The following FAAH2 variants were observed in gnomAD, a reference collection of about 807,000 sequenced individuals.
The protein encoded by FAAH2 is fatty-acid amide hydrolase 2.
In FAAH2, 60 loss-of-function variants were observed where a neutral mutation model predicts 36.9. The observed-to-expected ratio is 1.63, with a 90% CI of 1.32 to 2.02. The LOEUF (loss-of-function observed/expected upper bound fraction) is 2.02. Among genes scored for constraint, FAAH2 ranks in the 30% most tolerant of loss-of-function variants. The pLI, the probability that FAAH2 is intolerant of heterozygous loss-of-function variation, is 0.00. For missense variants in FAAH2, 689 were observed against 397.5 expected, an observed-to-expected ratio of 1.73 and a Z score of -6.23; for synonymous variants, 214 against 143.8, an observed-to-expected ratio of 1.49 and a Z score of -3.49.
intron 7 of FAAH2, among the ~76,000 whole-genome samples, chrX:57,387,530 A>G (rs1188998918): frequency 1.8e-5 from 2 of 111,581 alleles, no homozygotes; most frequent in Non-Finnish European, 3.8e-5. Flanking sequence ...AGACTCTAAA[A>G]ATAAGGTTGT....
At chrX:57,257,029 A>G in the FAAH2 span, among the ~76,000 whole-genome samples, 8 of 112,392 alleles carry the variant, frequency 7.1e-5, no homozygotes, top group Non-Finnish European at 1.5e-4. Flanking sequence ...CAACCATTAA[A>G]AAGTCAGAAA....
the FAAH2 span, among the ~76,000 whole-genome samples, chrX:57,213,232 G>T: frequency 1.2e-4 from 13 of 110,968 alleles, no homozygotes; most frequent in Admixed American, 1.2e-3. Flanking sequence ...TTTCTTGGGT[G>T]GTCTAGCTAG....
chrX:57,219,782 A>C, the FAAH2 span, among the ~76,000 whole-genome samples: 3 of 108,348 alleles, frequency 2.8e-5, no homozygotes, highest in Non-Finnish European at 5.7e-5. Flanking sequence ...TTCCAAAAAA[A>C]AAAACAGTCC....
At chrX:57,467,466 C>A (rs915344679) in intron 10 of FAAH2, among the ~76,000 whole-genome samples, 2 of 111,912 alleles carry the variant, frequency 1.8e-5, no homozygotes, top group African/African-American at 6.5e-5. Context: ...CTGCACCTGG[C>A]TCAGAGGGTC....
At chrX:57,327,746 C>A (rs759411513) in intron 3 of FAAH2, among the ~76,000 whole-genome samples, 2 of 111,221 alleles carry the variant, frequency 1.8e-5, no homozygotes, top group African/African-American at 6.5e-5. Context: ...TCATCTAATC[C>A]TTTTTCAAGT....
At chrX:57,326,651 AGGATTG>A (rs1451873651) in intron 3 of FAAH2, among the ~76,000 whole-genome samples, 1 of 91,247 alleles carries the variant, frequency 1.1e-5, no homozygotes, top group Non-Finnish European at 2.1e-5. Flanking sequence ...ATCGGAGACT[AGGATTG>A]CAACCCCTGC....
Position 57,308,579 on chromosome X carries a change from G to A in FAAH2, c.276-2014G>A, listed in dbSNP as rs777689731. 1.7e-4 allele frequency among the ~76,000 whole-genome samples: 19 copies of A among 111,425 alleles called. No individual in the cohort carries two copies. The South Asian group carries it at 7.2e-3, about 42-fold the overall frequency. ...TGTAAATATTTTCTCCTATTCTGTA[G>A]GTTGTTTATTACATCACATGAGTGT... On this transcript the variant is annotated intron_variant, in intron 2 of 10. Transcript: ENST00000374900.
At position 57,404,515 on chromosome X, in the gene FAAH2, G is replaced by A. The variant is rs185467363; in HGVS notation, c.996+23486G>A. ...GTTATCATTTCTAAGGCCCTGACAA[G>A]GGTGGTAGGGAATGGGTCCCACATA... On this transcript the variant is annotated intron_variant, in intron 7 of 10. Coordinates refer to ENST00000374900, the MANE Select transcript of FAAH2 (RefSeq NM_174912.4). Among the ~76,000 whole-genome samples the A allele has an allele frequency of 3.3e-3, 365 of 111,722 alleles. 1 individual carries two copies. Among genetic ancestry groups the A allele is most frequent in the African/African-American group, 0.011 (352 of 30,718 alleles).
chrX:57,370,093 G>A (rs1235850294), intron 5 of FAAH2, among the ~76,000 whole-genome samples: 1 of 111,161 alleles, frequency 9.0e-6, no homozygotes, highest in Non-Finnish European at 1.9e-5. Flanking sequence ...GGAATACAAA[G>A]CTTATTACTA....
chrX:57,278,224 T>C, the FAAH2 span, among the ~76,000 whole-genome samples: 1 of 111,437 alleles, frequency 9.0e-6, no homozygotes, highest in South Asian at 3.8e-4. Context: ...ACAAAGAAGA[T>C]ATATGGACCA....
chrX:57,470,581 G>T (rs2057145866), intron 10 of FAAH2, among the ~76,000 whole-genome samples: 1 of 111,005 alleles, frequency 9.0e-6, no homozygotes, highest in Non-Finnish European at 1.9e-5. Context: ...CCAAAAACAG[G>T]CTCTGAAATT....
At position 57,346,310 on chromosome X, in the gene FAAH2, G is replaced by A. The variant is rs187287474; in HGVS notation, c.742+4920G>A. Among the ~76,000 whole-genome samples, 499 of 111,521 alleles carry A rather than the reference G, an allele frequency of 4.5e-3. 1 individual carries two copies. Among genetic ancestry groups the A allele is most frequent in the Non-Finnish European group, 8.0e-3 (424 of 52,975 alleles). ...TATGAATTTGAGTGCTCCAAATTGG[G>A]TGCATGTATATATAAGATAATTCAG... On this transcript the variant is annotated intron_variant, in intron 5 of 10. Coordinates refer to ENST00000374900, the MANE Select transcript of FAAH2 (RefSeq NM_174912.4).
intron 10 of FAAH2, among the ~76,000 whole-genome samples, chrX:57,460,747 C>T (rs563261150): frequency 3.6e-5 from 4 of 111,671 alleles, no homozygotes; most frequent in Non-Finnish European, 7.5e-5. Context: ...CATCAACTAA[C>T]GTGCAAAATA....
chrX:57,183,210 A>C, the FAAH2 span, among the ~76,000 whole-genome samples: 3 of 111,569 alleles, frequency 2.7e-5, no homozygotes, highest in African/African-American at 9.8e-5. Flanking sequence ...CCTGAGCCTA[A>C]AATAAAATTT....
chrX:57,244,240 AC>A, the FAAH2 span, among the ~76,000 whole-genome samples: 1 of 110,500 alleles, frequency 9.0e-6, no homozygotes, highest in Non-Finnish European at 1.9e-5. Flanking sequence ...AGTATATGGG[AC>A]CATGTGAAAA....
At chrX:57,393,205 C>T (rs1361679296) in intron 7 of FAAH2, 7 of 1,197,776 alleles carry the variant, frequency 5.8e-6, no homozygotes, top group Non-Finnish European at 7.9e-6. Flanking sequence ...GAATTCCAAA[C>T]ATTCTGGCAT....
At chrX:57,260,848 A>G in the FAAH2 span, among the ~76,000 whole-genome samples, 1 of 111,417 alleles carries the variant, frequency 9.0e-6, no homozygotes, top group Non-Finnish European at 1.9e-5. Flanking sequence ...TTAATATGAT[A>G]ATATATCACA....
chrX:57,182,995 GACAC>G, the FAAH2 span, among the ~76,000 whole-genome samples: 1 of 108,140 alleles, frequency 9.2e-6, no homozygotes, highest in East Asian at 2.9e-4. Flanking sequence ...AAATGATGAG[GACAC>G]ACACACACAC....
chrX:57,425,021 A>T (rs2056125822), intron 7 of FAAH2, among the ~76,000 whole-genome samples: 1 of 96,222 alleles, frequency 1.0e-5, no homozygotes, highest in African/African-American at 3.3e-5. Flanking sequence ...AAATTTACCA[A>T]AAAGATAGAT....
Sources: allele counts gnomAD v4.1 joint callset (sites outside exome capture counted in the v4.1 genomes callset), GRCh38; gene constraint gnomAD v4.1.1; transcripts MANE v1.5; gene names NCBI Gene and HGNC (gene_info 2026-07-23, HGNC 2026-07-21).